The following NRXN3 variants were observed in gnomAD, a reference collection of about 807,000 sequenced individuals.
NRXN3 encodes the protein neurexin III.
In NRXN3, 32 loss-of-function variants were observed where a neutral mutation model predicts 137.6. The observed-to-expected ratio is 0.23, with a 90% CI of 0.18 to 0.31. The LOEUF (loss-of-function observed/expected upper bound fraction) is 0.31. Among genes scored for constraint, NRXN3 ranks in the 10% least tolerant of loss-of-function variants. The pLI is 1.00. For missense variants in NRXN3, 1,574 were observed against 2,062.5 expected (o/e 0.76, Z 4.59); for synonymous variants, 798 against 784.5 (o/e 1.02, Z -0.29).
chr14:78,976,653 A>G (rs1050156393), intron 14 of NRXN3, among the ~76,000 whole-genome samples: 6 of 152,146 alleles, frequency 3.9e-5, no homozygotes, highest in Admixed American at 1.3e-4. Flanking sequence ...AAGTTCCTCA[A>G]AATGCTTTCT....
chr14:79,415,130 A>G (rs2095477851), intron 15 of NRXN3, among the ~76,000 whole-genome samples: 1 of 152,068 alleles, frequency 6.6e-6, no homozygotes, highest in Non-Finnish European at 1.5e-5. Flanking sequence ...TTGTCCATTC[A>G]TCTGCACGGA....
chr14:79,088,629 A>G (rs1250095466), intron 15 of NRXN3, among the ~76,000 whole-genome samples: 2 of 152,198 alleles, frequency 1.3e-5, no homozygotes, highest in African/African-American at 4.8e-5. Flanking sequence ...GCGGAAGGGA[A>G]GGATTAGGTT....
At chr14:79,462,504 T>C (rs369009389) in intron 15 of NRXN3, among the ~76,000 whole-genome samples, 1 of 149,874 alleles carries the variant, frequency 6.7e-6, no homozygotes, top group East Asian at 1.9e-4. Context: ...TATATATATA[T>C]ACACACATAT....
At chr14:79,720,339 TA>T (rs2098840242) in intron 19 of NRXN3, among the ~76,000 whole-genome samples, 1 of 152,050 alleles carries the variant, frequency 6.6e-6, no homozygotes, top group African/African-American at 2.4e-5. Context: ...GCATGGGGAT[TA>T]TTACAATTCC....
intron 16 of NRXN3, among the ~76,000 whole-genome samples, chr14:79,530,181 C>G (rs1393389173): frequency 1.3e-5 from 2 of 151,872 alleles, no homozygotes; most frequent in Non-Finnish European, 2.9e-5. Flanking sequence ...AGACATTTGC[C>G]CAGAGTCCCC....
chr14:78,361,775 G>A (rs948742035), intron 4 of NRXN3, among the ~76,000 whole-genome samples: 1 of 152,238 alleles, frequency 6.6e-6, no homozygotes, highest in South Asian at 2.1e-4. Flanking sequence ...TCCTGGATTT[G>A]GTACAGCTCT....
At chr14:79,053,758 C>T (rs1532727) in intron 15 of NRXN3, among the ~76,000 whole-genome samples, 150,616 of 152,018 alleles carry the variant, frequency 0.99, 74,637 homozygotes, top group Middle Eastern at 1. Flanking sequence ...GAGAGAGGCT[C>T]GGACAACTTA....
chr14:79,353,856 A>G (rs943501587), intron 15 of NRXN3, among the ~76,000 whole-genome samples: 1 of 152,070 alleles, frequency 6.6e-6, no homozygotes, highest in Non-Finnish European at 1.5e-5. Context: ...TTTACCTTTC[A>G]GAATCTTCTA....
At chr14:79,749,558 T>A (rs1388793719) in intron 19 of NRXN3, among the ~76,000 whole-genome samples, 1 of 151,946 alleles carries the variant, frequency 6.6e-6, no homozygotes, top group East Asian at 1.9e-4. Flanking sequence ...TGAGCCACCG[T>A]GCAGTGCCTG....
chr14:79,003,331 G>C lies in NRXN3; in HGVS notation c.3262+15190G>C, dbSNP rs956496142. On this transcript the variant is annotated intron_variant, in intron 15 of 20. Transcript: ENST00000335750. The stretch of plus-strand genomic sequence containing the variant: ...ATTTTTGCAGCCTCTGTAATGACCA[G>C]AACTTTCAATACACAATCTTAACTT... Among the ~76,000 whole-genome samples, 5 of 152,152 alleles carry C rather than the reference G, an allele frequency of 3.3e-5. No homozygotes were observed. The East Asian group carries it at 9.6e-4, about 29-fold the overall frequency.
At chr14:79,282,198 G>C (rs1197299104) in intron 15 of NRXN3, among the ~76,000 whole-genome samples, 2 of 152,032 alleles carry the variant, frequency 1.3e-5, no homozygotes, top group African/African-American at 4.8e-5. Flanking sequence ...TAGCTCCTAA[G>C]GGGGAGAGGG....
chr14:78,459,580 G>A (rs1248642058), intron 4 of NRXN3, among the ~76,000 whole-genome samples: 1 of 152,122 alleles, frequency 6.6e-6, no homozygotes, highest in Non-Finnish European at 1.5e-5. Flanking sequence ...GACTTGTGGT[G>A]CAGTGTGGGA....
chr14:79,856,027 A>G (rs1017450784), intron 20 of NRXN3, among the ~76,000 whole-genome samples: 3 of 152,202 alleles, frequency 2.0e-5, no homozygotes, highest in African/African-American at 7.2e-5. Flanking sequence ...ATACATAATG[A>G]TATCAAGGGG....
intron 4 of NRXN3, among the ~76,000 whole-genome samples, chr14:78,424,240 C>T (rs2093574954): frequency 6.6e-6 from 1 of 152,176 alleles, no homozygotes; most frequent in South Asian, 2.1e-4. Context: ...CAGTGGGCAC[C>T]CTTAAGAAAA....
At chr14:78,711,961 C>G (rs1046588613) in intron 7 of NRXN3, among the ~76,000 whole-genome samples, 1 of 152,150 alleles carries the variant, frequency 6.6e-6, no homozygotes, top group African/African-American at 2.4e-5. Context: ...GTGGTGCCTC[C>G]TTCCCTGATA....
At chr14:79,735,607 T>C (rs1465074144) in intron 19 of NRXN3, among the ~76,000 whole-genome samples, 3 of 152,150 alleles carry the variant, frequency 2.0e-5, no homozygotes, top group Non-Finnish European at 2.9e-5. Flanking sequence ...AACTTCAAAC[T>C]TCACACACAG....
intron 10 of NRXN3, among the ~76,000 whole-genome samples, chr14:78,859,019 T>C (rs1158427399): frequency 6.6e-6 from 1 of 152,156 alleles, no homozygotes; most frequent in Non-Finnish European, 1.5e-5. Context: ...GTTATCCCTA[T>C]GTGTCAAGGG....
At chr14:79,582,090 G>A (rs1285135260) in intron 16 of NRXN3, among the ~76,000 whole-genome samples, 1 of 151,990 alleles carries the variant, frequency 6.6e-6, no homozygotes, top group Non-Finnish European at 1.5e-5. Flanking sequence ...ACGATGCCCA[G>A]CTGTTTTTGT....
chr14:79,668,212 A>C (rs374976417), intron 17 of NRXN3, among the ~76,000 whole-genome samples: 4 of 151,450 alleles, frequency 2.6e-5, no homozygotes, highest in Non-Finnish European at 4.4e-5. Flanking sequence ...ACATTAGAAA[A>C]CTCTCTTTAT....
Sources: allele counts gnomAD v4.1 joint callset (sites outside exome capture counted in the v4.1 genomes callset), GRCh38; gene constraint gnomAD v4.1.1; transcripts MANE v1.5; gene names NCBI Gene and HGNC (gene_info 2026-07-23, HGNC 2026-07-21).